The following FAM131B variants were observed in gnomAD, a reference collection of about 807,000 sequenced individuals.
FAM131B encodes the protein family with sequence similarity 131 member B.
A neutral mutation model predicts 42.0 loss-of-function variants in FAM131B; 19 were observed. The observed-to-expected ratio is 0.45, with a 90% CI of 0.32 to 0.66. FAM131B has a LOEUF of 0.66. FAM131B is among the 30% of genes least tolerant of loss of function. The pLI is 0.05. For synonymous variants in FAM131B, 183 were observed against 177.6 expected, an observed-to-expected ratio of 1.03 and a Z score of -0.24; for missense variants, 370 against 468.4, an observed-to-expected ratio of 0.79 and a Z score of 1.94.
chr7:143,362,139 G>T lies in FAM131B; in HGVS notation c.28+437C>A. The T allele has an allele frequency of 1.6e-6, 1 of 607,272 alleles. No homozygotes were observed. The highest frequency in any genetic ancestry group is 2.1e-6 in the Non-Finnish European group (1 of 483,110). 37.6% of individuals were successfully genotyped at this position (607,272 alleles called of 1,614,324 possible). Reference sequence around the variant, plus strand: ...GCGGGGGGTGGCGTGGGGGGCGTGCGAAAGAAACTCGGGGCTGGCGCGGAG... The same window carrying T: ...GCGGGGGGTGGCGTGGGGGGCGTGCTAAAGAAACTCGGGGCTGGCGCGGAG... On this transcript the variant is annotated intron_variant, in intron 1 of 6. Transcript: ENST00000443739. This position sits in a 1 kb window ranked among gnomAD's most constrained non-coding sequence, Gnocchi z 7.7.
chr7:143,379,450 A>C, the FAM131B span, among the ~76,000 whole-genome samples: 1 of 152,256 alleles, frequency 6.6e-6, no homozygotes, highest in Non-Finnish European at 1.5e-5. Context: ...AAAGACAATG[A>C]GATGCCAGAG....
At chr7:143,381,235 C>A in the FAM131B span, 4,473 of 1,016,400 alleles carry the variant, frequency 4.4e-3, 135 homozygotes, top group African/African-American at 0.07. Flanking sequence ...CTCTCCGGGC[C>A]GCTCCTTGTA....
the FAM131B span, chr7:143,382,038 G>C: frequency 5.3e-5 from 32 of 605,648 alleles, no homozygotes; most frequent in Admixed American, 7.7e-4. Context: ...GTTTTCCGAA[G>C]TGTAACGGGA....
chr7:143,371,263 A>G, the FAM131B span, among the ~76,000 whole-genome samples: 1 of 152,028 alleles, frequency 6.6e-6, no homozygotes, highest in South Asian at 2.1e-4. Context: ...TTGGTGGGGG[A>G]GTGCCAAAAC....
At chr7:143,374,499 C>T in the FAM131B span, among the ~76,000 whole-genome samples, 1 of 152,224 alleles carries the variant, frequency 6.6e-6, no homozygotes, top group African/African-American at 2.4e-5. Context: ...TCCTGTGACT[C>T]TCCACACTGC....
At position 143,357,014 on chromosome 7, in the gene FAM131B, C is replaced by T. The variant is rs1361901354; in HGVS notation, c.619G>A (p.Ala207Thr). The T allele has an allele frequency of 6.2e-7, 1 of 1,610,030 alleles. No homozygotes were observed. The highest frequency in any genetic ancestry group is 1.3e-5 in the African/African-American group (1 of 74,814). ...QELMDSQDAL[A>T]QAPMDGWPHS... ...GGCCATCCATCCATGGGTGCTTGAG[C>T]CAGGGCATCTGGAAAAAGAATCATG... The change falls in exon 7 of 7, where the codon GCT becomes ACT. Residue 207 changes from alanine (A) to threonine (T), a missense_variant. By Grantham distance (58) the Ala-to-Thr change is moderately conservative. Coordinates refer to ENST00000443739, the MANE Select transcript of FAM131B (RefSeq NM_001031690.3).
At chr7:143,378,239 A>G in the FAM131B span, among the ~76,000 whole-genome samples, 1,073 of 152,246 alleles carry the variant, frequency 7.0e-3, 12 homozygotes, top group African/African-American at 0.025. Context: ...CATTTTAGAA[A>G]TCATTCTTTT....
At chr7:143,380,701 G>GTTCC in the FAM131B span, 12 of 985,300 alleles carry the variant, frequency 1.2e-5, no homozygotes, top group Non-Finnish European at 1.4e-5. This position sits in a 1 kb window ranked among gnomAD's most constrained non-coding sequence, Gnocchi z 5.0. Context: ...AATGCTGGAG[G>GTTCC]TTCCGGCTCA....
Position 143,362,345 on chromosome 7 carries a change from C to T in FAM131B, c.28+231G>A, listed in dbSNP as rs977314936. On this transcript the variant is annotated intron_variant, in intron 1 of 6. Coordinates refer to ENST00000443739, the MANE Select transcript of FAM131B (RefSeq NM_001031690.3). This position sits in a 1 kb window ranked among gnomAD's most constrained non-coding sequence, Gnocchi z 7.7. ...GAGGACCGCGCCTGCGGGAGGGCGACGGGGAGAAGGAAGCGAGCCGAGCGG... is the reference window on the plus strand; with the variant it reads ...GAGGACCGCGCCTGCGGGAGGGCGATGGGGAGAAGGAAGCGAGCCGAGCGG... Among the ~76,000 whole-genome samples the T allele has an allele frequency of 1.3e-5, 2 of 151,934 alleles. No homozygotes were observed. The highest frequency in any genetic ancestry group is 2.9e-5 in the Non-Finnish European group (2 of 67,986).
chr7:143,359,478 A>G lies in FAM131B; in HGVS notation c.175-59T>C, dbSNP rs1017001234. On this transcript the variant is annotated intron_variant, in intron 3 of 6. Coordinates refer to ENST00000443739, the MANE Select transcript of FAM131B (RefSeq NM_001031690.3). The surrounding 1 kb of genome is among the most constrained non-coding windows in gnomAD (Gnocchi z 5.4). Reference sequence around the variant, plus strand: ...ATAAGAAGGTACGGGCGTGCTTTATACATGGAGGAGGTTCATGGTTTCCAG... The same window carrying G: ...ATAAGAAGGTACGGGCGTGCTTTATGCATGGAGGAGGTTCATGGTTTCCAG... 2.3e-6 allele frequency: 3 copies of G among 1,325,584 alleles called. No individual in the cohort carries two copies. Among genetic ancestry groups the G allele is most frequent in the Non-Finnish European group, 3.2e-6 (3 of 925,720 alleles). The allele number at this position is 1,325,584 out of a possible 1,614,324, so 82.1% of individuals were successfully genotyped here. A position where few individuals can be genotyped will look rare whatever the true frequency, so the allele number is the denominator to read the frequency against.
the FAM131B span, among the ~76,000 whole-genome samples, chr7:143,367,845 T>C: frequency 8.3e-4 from 127 of 152,234 alleles, no homozygotes; most frequent in African/African-American, 3.0e-3. Flanking sequence ...TCACGTTCTG[T>C]AGGATTCAGC....
At position 143,359,044 on chromosome 7, in the gene FAM131B, C is replaced by T. The variant is rs1316290620; in HGVS notation, c.269-20G>A. On this transcript the variant is annotated intron_variant, in intron 4 of 6. Transcript: ENST00000443739. The surrounding 1 kb of genome is among the most constrained non-coding windows in gnomAD (Gnocchi z 5.4). ...AGATCCCTATGGGGCCAGACATTTCCCACATCCTCCAGAATATCACACAAT... is the reference window on the plus strand; with the variant it reads ...AGATCCCTATGGGGCCAGACATTTCTCACATCCTCCAGAATATCACACAAT... The T allele has an allele frequency of 6.2e-7, 1 of 1,609,506 alleles. No homozygotes were observed. Among genetic ancestry groups the T allele is most frequent in the East Asian group, 2.2e-5 (1 of 44,812 alleles).
rs1803802119 is a variant in FAM131B at position 143,358,682 on chromosome 7, C to T, written c.466+145G>A. 1 of 637,772 alleles carries T rather than the reference C, an allele frequency of 1.6e-6. No individual in the cohort carries two copies. The highest frequency in any genetic ancestry group is 1.9e-5 in the South Asian group (1 of 52,662). 39.5% of individuals were successfully genotyped at this position (637,772 alleles called of 1,614,324 possible). On this transcript the variant is annotated intron_variant, in intron 5 of 6. Coordinates refer to ENST00000443739, the MANE Select transcript of FAM131B (RefSeq NM_001031690.3). This position sits in a 1 kb window ranked among gnomAD's most constrained non-coding sequence, Gnocchi z 4.7. ...TTGAGGGCACTTATTTGAATTACCA[C>T]ATCAAAATACTTAGAGCTGTTTGGG...
intron 1 of FAM131B, chr7:143,361,984 C>T: frequency 1.1e-6 from 1 of 925,450 alleles, no homozygotes; most frequent in Non-Finnish European, 1.3e-6. Flanking sequence ...AACCCGGGCT[C>T]ATCCCGCCCC....
At position 143,355,608 on chromosome 7, in the gene FAM131B, G is replaced by A. The variant is rs1380022728; in HGVS notation, c.*942C>T. ...AGCTTCAGAGGACAGGGGTGAATAA[G>A]GGGAGACAGCCCTCATGCTCCCCCT... is the stretch of plus-strand genomic sequence containing the variant. On this transcript the variant is annotated 3_prime_UTR_variant, in exon 7 of 7. Transcript: ENST00000443739. This position sits in a 1 kb window ranked among gnomAD's most constrained non-coding sequence, Gnocchi z 4.1. The A allele has an allele frequency of 3.3e-5, 5 of 152,690 alleles. No homozygotes were observed. Among genetic ancestry groups the A allele is most frequent in the African/African-American group, 1.2e-4 (5 of 41,452 alleles). 9.5% of individuals were successfully genotyped at this position (152,690 alleles called of 1,614,324 possible). A position where few individuals can be genotyped will look rare whatever the true frequency, so the allele number is the denominator to read the frequency against.
rs1407769586 is a variant in FAM131B at position 143,358,857 on chromosome 7, C to T, written c.436G>A (p.Asp146Asn). ...AGAAAACGTGCCTCCTTCTCGCCAT[C>T]GCTGAGGTCGGAGTAGGCATCCGTA... ...RDTDAYSDLS[D>N]GEKEARFLAG... Residue 146 changes from aspartate to asparagine, a missense_variant, in exon 5 of 7, where the codon GAT becomes AAT. Physicochemically the swap from Asp to Asn is conservative, Grantham distance 23. Transcript: ENST00000443739. This position sits in a 1 kb window ranked among gnomAD's most constrained non-coding sequence, Gnocchi z 4.7. 3.1e-6 allele frequency: 5 copies of T among 1,614,132 alleles called. No individual in the cohort carries two copies. The highest frequency in any genetic ancestry group is 4.2e-6 in the Non-Finnish European group (5 of 1,180,018).
chr7:143,357,415 C>T lies in FAM131B; in HGVS notation c.475G>A (p.Glu159Lys), dbSNP rs780471705. ...GTGGCCTCAGAGATAGCAAACTGCT[C>T]CATGACGCCTGGGGGAAGAAATGCA... Reference protein sequence around the residue: ...KEARFLAGVMEQFAISEATLM... With the variant: ...KEARFLAGVMKQFAISEATLM... Residue 159 changes from glutamate (E) to lysine (K), a missense_variant, in exon 6 of 7, where the codon GAG becomes AAG. Coordinates refer to ENST00000443739, the MANE Select transcript of FAM131B (RefSeq NM_001031690.3). 2 of 1,607,362 alleles carry T rather than the reference C, an allele frequency of 1.2e-6. No individual in the cohort carries two copies. The highest frequency in any genetic ancestry group is 1.7e-6 in the Non-Finnish European group (2 of 1,177,194).
intron 1 of FAM131B, chr7:143,361,995 C>T (rs1586542238): frequency 5.2e-6 from 5 of 961,672 alleles, no homozygotes; most frequent in Middle Eastern, 5.3e-4. Context: ...ATCCCGCCCC[C>T]GCCCCAGAGG....
In FAM131B at chr7:143,359,501, C is replaced by T. The variant is rs1317436877; in HGVS notation, c.175-82G>A. The T allele has an allele frequency of 8.7e-7, 1 of 1,152,234 alleles. No homozygotes were observed. The highest frequency in any genetic ancestry group is 2.4e-5 in the East Asian group (1 of 42,040). The allele number at this position is 1,152,234 out of a possible 1,614,324, so 71.4% of individuals were successfully genotyped here. A position where few individuals can be genotyped will look rare whatever the true frequency, so the allele number is the denominator to read the frequency against. The stretch of plus-strand genomic sequence containing the variant: ...ATACATGGAGGAGGTTCATGGTTTC[C>T]AGGAAAAAGCATTCGAGCTAGGGCA... On this transcript the variant is annotated intron_variant, in intron 3 of 6. Coordinates refer to ENST00000443739, the MANE Select transcript of FAM131B (RefSeq NM_001031690.3). This position sits in a 1 kb window ranked among gnomAD's most constrained non-coding sequence, Gnocchi z 5.4.
Sources: allele counts gnomAD v4.1 joint callset (sites outside exome capture counted in the v4.1 genomes callset), GRCh38; gene constraint gnomAD v4.1.1; non-coding constraint Gnocchi (gnomAD v3.1); transcripts MANE v1.5; gene names NCBI Gene and HGNC (gene_info 2026-07-23, HGNC 2026-07-21).